EDARADD: variants seen among roughly 807,000 people sequenced by gnomAD.
EDARADD encodes EDAR associated via death domain.
Under a neutral mutation model 25.6 loss-of-function variants are expected in EDARADD, and 20 were observed. That is an observed-to-expected ratio of 0.78 (90% CI 0.55 to 1.14). EDARADD has a LOEUF of 1.14. EDARADD is among the 50% of genes most tolerant of loss of function. The pLI, the probability that EDARADD is intolerant of heterozygous loss-of-function variation, is 0.00. For synonymous variants in EDARADD, 86 were observed against 94.4 expected, an observed-to-expected ratio of 0.91 and a Z score of 0.52; for missense variants, 225 against 270.1, an observed-to-expected ratio of 0.83 and a Z score of 1.17.
intron 3 of EDARADD, among the ~76,000 whole-genome samples, chr1:236,363,004 AAAATATATAT>A (rs1180731411): frequency 5.1e-5 from 3 of 58,408 alleles, no homozygotes; most frequent in African/African-American, 8.1e-5. Context: ...AAAAAAAAAA[AAAATATATAT>A]ATATATATAT....
At chr1:236,369,159 T>C (rs1162840675) in intron 3 of EDARADD, among the ~76,000 whole-genome samples, 2 of 152,154 alleles carry the variant, frequency 1.3e-5, no homozygotes, top group African/African-American at 4.8e-5. Flanking sequence ...GCTATTCTTC[T>C]TCAATATTGA....
rs12065146 is a variant in EDARADD, at chr1:236,362,129, G to A, written c.-6+11290G>A. Among the ~76,000 whole-genome samples the A allele has an allele frequency of 6.3e-3, 953 of 152,152 alleles. 11 individuals carry two copies. Among genetic ancestry groups the A allele is most frequent in the African/African-American group, 0.022 (894 of 41,502 alleles). ...TTCGCTTTGTCATCCAGGCTGGAGT[G>A]CAGTGCTACAATCATAGTTCACTGT... On this transcript the variant is annotated intron_variant, in intron 3 of 7. Transcript: ENST00000439430.
At chr1:236,450,341 T>C (rs1484589280) in intron 4 of EDARADD, among the ~76,000 whole-genome samples, 1 of 152,088 alleles carries the variant, frequency 6.6e-6, no homozygotes, top group Non-Finnish European at 1.5e-5. Flanking sequence ...TGATCTTCTC[T>C]TTTTTCCCTT....
rs148676026 is a variant in EDARADD, at chr1:236,388,166, G to C, written c.-5-21050G>C. 3.5e-3 allele frequency among the ~76,000 whole-genome samples: 531 copies of C among 152,014 alleles called. 3 individuals are homozygous for C. The highest frequency in any genetic ancestry group is 0.012 in the African/African-American group (507 of 41,464). On this transcript the variant is annotated intron_variant, in intron 3 of 7. Transcript: ENST00000439430. ...TGTGTGTATCCTCCCAACACCATTTGAACTGTCTTTTGACCATTTAAATGT... is the reference window on the plus strand; with the variant it reads ...TGTGTGTATCCTCCCAACACCATTTCAACTGTCTTTTGACCATTTAAATGT...
intron 2 of EDARADD, among the ~76,000 whole-genome samples, chr1:236,349,852 C>T (rs1422533409): frequency 6.6e-6 from 1 of 152,182 alleles, no homozygotes; most frequent in Non-Finnish European, 1.5e-5. Context: ...TGGCTCACGC[C>T]TGTATTCCCA....
chr1:236,441,304 A>G (rs1234713734), intron 4 of EDARADD, among the ~76,000 whole-genome samples: 2 of 145,088 alleles, frequency 1.4e-5, no homozygotes, highest in African/African-American at 5.0e-5. Context: ...AAATAATGTC[A>G]TATATAAATA....
chr1:236,362,782 AT>A (rs1421920069), intron 3 of EDARADD, among the ~76,000 whole-genome samples: 2 of 151,316 alleles, frequency 1.3e-5, no homozygotes. Context: ...TTCCAGCAAC[AT>A]CTGTTGTAAA....
chr1:236,407,941 T>G (rs1312869149), intron 1 of EDARADD, among the ~76,000 whole-genome samples: 1 of 152,178 alleles, frequency 6.6e-6, no homozygotes, highest in African/African-American at 2.4e-5. Context: ...CTATGGTTTT[T>G]TCTTTATTAG....
intron 3 of EDARADD, among the ~76,000 whole-genome samples, chr1:236,363,069 A>G (rs1361961199): frequency 7.5e-6 from 1 of 132,510 alleles, no homozygotes; most frequent in Non-Finnish European, 1.6e-5. Context: ...CTATGTTGCC[A>G]TGTTGTCTAG....
chr1:236,409,755 G>T (rs1186262761), intron 2 of EDARADD, among the ~76,000 whole-genome samples: 1 of 151,448 alleles, frequency 6.6e-6, no homozygotes, highest in Non-Finnish European at 1.5e-5. Flanking sequence ...GTAGAGTGGG[G>T]GTTTCACCAT....
intron 4 of EDARADD, among the ~76,000 whole-genome samples, chr1:236,428,623 C>T (rs1281572514): frequency 1.3e-5 from 2 of 150,452 alleles, no homozygotes; most frequent in Non-Finnish European, 3.0e-5. Context: ...CATGGGCGGC[C>T]GGGCGGAGAC....
chr1:236,356,996 A>C (rs571001014), intron 3 of EDARADD, among the ~76,000 whole-genome samples: 1 of 151,922 alleles, frequency 6.6e-6, no homozygotes, highest in Non-Finnish European at 1.5e-5. Flanking sequence ...AGGCACTAGA[A>C]TTGCTTGAAC....
intron 3 of EDARADD, among the ~76,000 whole-genome samples, chr1:236,385,105 T>TC (rs1200170919): frequency 6.7e-6 from 1 of 149,930 alleles, no homozygotes; most frequent in Non-Finnish European, 1.5e-5. Context: ...TTTTTTTTTT[T>TC]TGCCTTAAGA....
intron 3 of EDARADD, among the ~76,000 whole-genome samples, chr1:236,421,537 G>A (rs192758425): frequency 1.7e-4 from 16 of 96,582 alleles, no homozygotes; most frequent in East Asian, 1.2e-3. Flanking sequence ...TCACTCTGTC[G>A]CCCAGGCTGG....
In EDARADD at chr1:236,461,953, G is replaced by A. The variant is rs117906565; in HGVS notation, c.220-6278G>A. Among the ~76,000 whole-genome samples the A allele has an allele frequency of 1.4e-4, 21 of 152,310 alleles. No homozygotes were observed. The East Asian group carries it at 3.5e-3, about 25-fold the overall frequency. On this transcript the variant is annotated intron_variant, in intron 4 of 5. Transcript: ENST00000334232. ...GGCTGTCAGAGAACAAGGTTTCAAC[G>A]TACTGAGTTTTAAAGATCTAATTGG...
At chr1:236,394,548 G>A (rs373926348) in intron 1 of EDARADD, 43 bp downstream of exon 1, 87 of 1,585,632 alleles carry the variant, frequency 5.5e-5, no homozygotes, top group Middle Eastern at 1.7e-4. Flanking sequence ...TCAGAGCTGA[G>A]TTTTTAGCCA....
At chr1:236,451,067 C>T (rs1658698961) in intron 4 of EDARADD, among the ~76,000 whole-genome samples, 1 of 152,126 alleles carries the variant, frequency 6.6e-6, no homozygotes, top group Non-Finnish European at 1.5e-5. Context: ...TTGCGCCTAT[C>T]CCCAGCAGCC....
intron 4 of EDARADD, among the ~76,000 whole-genome samples, chr1:236,447,248 T>G (rs558967665): frequency 8.1e-6 from 1 of 123,076 alleles, no homozygotes; most frequent in Non-Finnish European, 1.6e-5. Context: ...CTTTCCTTTC[T>G]TTCCTTTCTT....
chr1:236,413,869 A>T (rs891712475), intron 2 of EDARADD, among the ~76,000 whole-genome samples: 1 of 152,226 alleles, frequency 6.6e-6, no homozygotes, highest in African/African-American at 2.4e-5. Flanking sequence ...TGCCCAGAAC[A>T]CATGCTTATT....
Sources: allele counts gnomAD v4.1 joint callset (sites outside exome capture counted in the v4.1 genomes callset), GRCh38; gene constraint gnomAD v4.1.1; transcripts MANE v1.5; gene names NCBI Gene and HGNC (gene_info 2026-07-23, HGNC 2026-07-21).